Variants in FDXACB1 observed in about 807,000 individuals in gnomAD.
The protein encoded by FDXACB1 is ferredoxin-fold anticodon binding domain containing 1.
A neutral mutation model predicts 51.7 loss-of-function variants in FDXACB1; 41 were observed. That is an observed-to-expected ratio of 0.79 (90% CI 0.62 to 1.03). The LOEUF (loss-of-function observed/expected upper bound fraction) is 1.03. Among genes scored for constraint, FDXACB1 ranks in the 50% least tolerant of loss-of-function variants. The pLI, the probability that FDXACB1 is intolerant of heterozygous loss-of-function variation, is 0.00. For missense variants in FDXACB1, 697 were observed against 746.4 expected, an observed-to-expected ratio of 0.93 and a Z score of 0.77; for synonymous variants, 273 against 278.6, an observed-to-expected ratio of 0.98 and a Z score of 0.20.
intron 4 of FDXACB1, 147 bp downstream of exon 4, chr11:111,876,333 GA>G (rs1964815553): frequency 9.4e-7 from 1 of 1,068,256 alleles, no homozygotes; most frequent in East Asian, 2.4e-5. Context: ...TATAATTCTA[GA>G]GATGCTTAAG....
intron 4 of FDXACB1, 39 bp from the exon 5 acceptor site, chr11:111,876,143 G>A: frequency 6.9e-7 from 1 of 1,442,640 alleles, no homozygotes; most frequent in Non-Finnish European, 9.4e-7. Flanking sequence ...TCTAACTTAA[G>A]ATAGTAAATA....
chr11:111,878,685 C>A lies in FDXACB1; in HGVS notation c.200G>T (p.Cys67Phe), dbSNP rs782381416. The A allele has an allele frequency of 3.7e-6, 6 of 1,611,248 alleles. No individual in the cohort carries two copies. In the South Asian group the frequency reaches 6.6e-5, roughly 18 times the overall value. ...TTCAAAGACATCTGCCAGCTGGGTG[C>A]AGTCCACACCGAAACGTACATCGAT... is the stretch of plus-strand genomic sequence containing the variant. ...RGIDVRFGVD[C>F]TQLADVFELH... The change falls in exon 2 of 5, where the codon TGC becomes TTC. Residue 67 changes from cysteine to phenylalanine, a missense_variant. By Grantham distance (205) the Cys-to-Phe change is radical (BLOSUM62 -2). Around this residue, in one of 3 missense-constraint regions of FDXACB1, gnomAD observed 153 missense variants for 133.5 expected, o/e 1.15. Transcript: ENST00000260257.
Position 111,879,040 on chromosome 11 carries a change from G to A in FDXACB1, c.93C>T (p.Thr31=). The change falls in exon 1 of 5, where the codon ACC becomes ACT. Residue 31 remains threonine (T), a synonymous_variant. Coordinates refer to ENST00000260257, the MANE Select transcript of FDXACB1 (RefSeq NM_138378.3). ...CGGCCGGGCGCTGGAGGCAGGTGGC[G>A]GTAAGTTGAGTGCTCTGATCCAGGG... ...SETLDQSTQL[T]ATCLQRPAEL... 1 of 1,613,660 alleles carries A rather than the reference G, an allele frequency of 6.2e-7. No homozygotes were observed. The highest frequency in any genetic ancestry group is 1.1e-5 in the South Asian group (1 of 91,060).
rs1964890145 is a variant in FDXACB1 at position 111,879,055 on chromosome 11, C to G, written c.78G>C (p.Gln26His). The G allele has an allele frequency of 6.2e-7, 1 of 1,613,836 alleles. No individual in the cohort carries two copies. The highest frequency in any genetic ancestry group is 8.5e-7 in the Non-Finnish European group (1 of 1,179,882). Residue 26 changes from glutamine to histidine, a missense_variant, in exon 1 of 5, where the codon CAG becomes CAC. Physicochemically the swap from Gln to His is conservative, Grantham distance 24. Around this residue, in one of 3 missense-constraint regions of FDXACB1, gnomAD observed 153 missense variants for 133.5 expected, o/e 1.15. Coordinates refer to ENST00000260257, the MANE Select transcript of FDXACB1 (RefSeq NM_138378.3). ...GGCAGGTGGCGGTAAGTTGAGTGCT[C>G]TGATCCAGGGTTTCGCTCAGAGCGG... is the stretch of plus-strand genomic sequence containing the variant. ...FAAALSETLD[Q>H]STQLTATCLQ...
intron 4 of FDXACB1, 138 bp from the exon 5 acceptor site, chr11:111,876,242 T>C (rs1964813755): frequency 8.5e-6 from 8 of 940,750 alleles, no homozygotes; most frequent in Non-Finnish European, 1.2e-5. Context: ...AAAGAAATCA[T>C]CTACCATAAG....
Position 111,877,042 on chromosome 11 carries a change from TATC to T in FDXACB1, c.330-34_330-32del, listed in dbSNP as rs782672977. ...AGGGAGAAAAGAAACACTAACTAAT[TATC>T]ATAAACAAGCAGAAATTACCACAGG... On this transcript the variant is annotated intron_variant, in intron 2 of 4. Coordinates refer to ENST00000260257, the MANE Select transcript of FDXACB1 (RefSeq NM_138378.3). 106 of 1,544,692 alleles carry T rather than the reference TATC, an allele frequency of 6.9e-5. No homozygotes were observed. The East Asian group carries it at 2.1e-3, about 31-fold the overall frequency.
At chr11:111,878,363 C>T (rs1555162516) in intron 2 of FDXACB1, among the ~76,000 whole-genome samples, 193 bp downstream of exon 2, 1 of 152,060 alleles carries the variant, frequency 6.6e-6, no homozygotes, top group East Asian at 1.9e-4. Context: ...CCCAAGAGTA[C>T]ATTATTTGTA....
chr11:111,876,436 A>G, intron 4 of FDXACB1, 45 bp downstream of exon 4: 1 of 1,596,572 alleles, frequency 6.3e-7, no homozygotes, highest in East Asian at 2.2e-5. Flanking sequence ...GACAATCAGG[A>G]TACAACTGGA....
Position 111,878,616 on chromosome 11 carries a change from T to A in FDXACB1, c.269A>T (p.His90Leu). ...AGCTACGCCAGCTTTGCGTCCACAA[T>A]GCGGGAAGATGAAATAAATTTGATC... is the stretch of plus-strand genomic sequence containing the variant. ...EFDQIYFIFP[H>L]CGRKAGVAKN... The change falls in exon 2 of 5, where the codon CAT becomes CTT. Residue 90 changes from histidine to leucine, a missense_variant. Physicochemically the swap from His to Leu is moderately conservative, Grantham distance 99. Coordinates refer to ENST00000260257, the MANE Select transcript of FDXACB1 (RefSeq NM_138378.3). 1 of 1,603,764 alleles carries A rather than the reference T, an allele frequency of 6.2e-7. No homozygotes were observed. The highest frequency in any genetic ancestry group is 8.5e-7 in the Non-Finnish European group (1 of 1,174,904).
Position 111,876,920 on chromosome 11 carries a change from A to G in FDXACB1, c.421T>C (p.Trp141Arg), listed in dbSNP as rs1044877088. 4.3e-6 allele frequency: 7 copies of G among 1,612,386 alleles called. No individual in the cohort carries two copies. In the African/African-American group the frequency reaches 9.3e-5, roughly 22 times the overall value. The change falls in exon 3 of 5, where the codon TGG becomes CGG. Residue 141 changes from tryptophan (W) to arginine (R), a missense_variant. Physicochemically the swap from Trp to Arg is moderately radical, Grantham distance 101 (BLOSUM62 -3). This residue lies in a region of FDXACB1 where 538 missense variants were observed against 592.2 expected (regional missense o/e 0.91). Coordinates refer to ENST00000260257, the MANE Select transcript of FDXACB1 (RefSeq NM_138378.3). ...GTPADKPQREWHNSWQVVAMA... is the reference protein window; with the variant it reads ...GTPADKPQRERHNSWQVVAMA... Reference sequence around the variant, plus strand: ...GCAACCACTTGCCAACTGTTGTGCCATTCTCTCTGGGGCTTATCCGCAGGA... The same window carrying G: ...GCAACCACTTGCCAACTGTTGTGCCGTTCTCTCTGGGGCTTATCCGCAGGA...
At position 111,875,074 on chromosome 11, in the gene FDXACB1, G is replaced by A. The variant is rs782244353; in HGVS notation, c.1723C>T (p.Arg575Cys). ...DTIISIQFLS[R>C]FQHPKTQQVS... ...TGTTGAGTCTTTGGATGCTGGAAAC[G>A]GCTAAGAAACTGTATGGATATAATA... The change falls in exon 5 of 5, where the codon CGT (arginine) becomes TGT (cysteine). Residue 575 changes from arginine (R) to cysteine (C), a missense_variant. Physicochemically the swap from Arg to Cys is radical, Grantham distance 180. Around this residue, in one of 3 missense-constraint regions of FDXACB1, gnomAD observed 538 missense variants for 592.2 expected, o/e 0.91. Transcript: ENST00000260257. The A allele has an allele frequency of 8.1e-6, 13 of 1,613,768 alleles. No individual in the cohort carries two copies. In the Admixed American group the frequency reaches 8.3e-5, roughly 10 times the overall value.
At position 111,874,900 on chromosome 11, in the gene FDXACB1, C is replaced by T. The variant is rs1033872863; in HGVS notation, c.*22G>A. 3.1e-6 allele frequency: 5 copies of T among 1,596,216 alleles called. No individual in the cohort carries two copies. Among genetic ancestry groups the T allele is most frequent in the Non-Finnish European group, 4.3e-6 (5 of 1,165,378 alleles). ...ACATCCCCCGCAATGAAGGATCACA[C>T]TGCAGAAAAGGATTTACCAAACTAC... On this transcript the variant is annotated 3_prime_UTR_variant, in exon 5 of 5. Coordinates refer to ENST00000260257, the MANE Select transcript of FDXACB1 (RefSeq NM_138378.3).
Position 111,874,346 on chromosome 11 carries a change from TGTTTA to T in FDXACB1, c.*571_*575del, listed in dbSNP as rs1284117088. 1 of 152,492 alleles carries T rather than the reference TGTTTA, an allele frequency of 6.6e-6. No homozygotes were observed. Among genetic ancestry groups the T allele is most frequent in the Non-Finnish European group, 1.5e-5 (1 of 68,284 alleles). 9.4% of individuals were successfully genotyped at this position (152,492 alleles called of 1,614,324 possible). A position where few individuals can be genotyped will look rare whatever the true frequency, so the allele number is the denominator to read the frequency against. On this transcript the variant is annotated 3_prime_UTR_variant, in exon 5 of 5. Transcript: ENST00000260257. ...GCATCTAAAGTACAAGATGCTGTTTTGTTTATTGTTTTAGTCACTTCTCGGGACCA... is the reference window on the plus strand; with the variant it reads ...GCATCTAAAGTACAAGATGCTGTTTTTTGTTTTAGTCACTTCTCGGGACCA...
chr11:111,874,718 G>A lies in FDXACB1; in HGVS notation c.*204C>T. On this transcript the variant is annotated 3_prime_UTR_variant, in exon 5 of 5. Transcript: ENST00000260257. ...TATAGTGAGCTGATATCATGCCACT[G>A]CCACTGCACTCCCGCCTGGGCGGCA... The A allele has an allele frequency of 3.6e-6, 2 of 550,632 alleles. No homozygotes were observed. The highest frequency in any genetic ancestry group is 3.1e-5 in the East Asian group (1 of 32,106). The allele number at this position is 550,632 out of a possible 1,614,324, so 34.1% of individuals were successfully genotyped here.
chr11:111,878,809 C>A, intron 1 of FDXACB1, 97 bp from the exon 2 acceptor site: 1 of 1,511,654 alleles, frequency 6.6e-7, no homozygotes, highest in Non-Finnish European at 8.9e-7. Flanking sequence ...TGCAGACCAG[C>A]CCAAGTCTGG....
chr11:111,876,874 A>T lies in FDXACB1; in HGVS notation c.467T>A (p.Leu156His), dbSNP rs781791480. ...QVVAMAALGG[L>H]ILSDVYPFSC... ...GAATGGATACACGTCGCTTAAAATG[A>T]GCCCCCCCAGGGCTGCCATGGCAAC... The change falls in exon 3 of 5, where the codon CTC (leucine) becomes CAC (histidine). Residue 156 changes from leucine (L) to histidine (H), a missense_variant. Leu to His is a moderately conservative substitution (Grantham distance 99, BLOSUM62 -3). This residue lies in a region of FDXACB1 where 538 missense variants were observed against 592.2 expected (regional missense o/e 0.91). Coordinates refer to ENST00000260257, the MANE Select transcript of FDXACB1 (RefSeq NM_138378.3). 8.7e-6 allele frequency: 14 copies of T among 1,613,642 alleles called. No homozygotes were observed. Among genetic ancestry groups the T allele is most frequent in the Admixed American group, 1.7e-5 (1 of 59,932 alleles).
intron 2 of FDXACB1, among the ~76,000 whole-genome samples, chr11:111,877,313 G>A (rs1555162322): frequency 6.6e-6 from 1 of 152,114 alleles, no homozygotes; most frequent in African/African-American, 2.4e-5. Flanking sequence ...ATGATTCATT[G>A]CTTAGGCTGT....
At position 111,874,621 on chromosome 11, in the gene FDXACB1, G is replaced by A. The variant is rs565847254; in HGVS notation, c.*301C>T. ...AAAAAAAAAATTAGCCAGGCGTGGT[G>A]GCAGGTGCCTGTAGTCCCAGCTACT... On this transcript the variant is annotated 3_prime_UTR_variant, in exon 5 of 5. Transcript: ENST00000260257. 5.1e-4 allele frequency: 128 copies of A among 251,118 alleles called. 1 individual carries two copies. The highest frequency in any genetic ancestry group is 2.8e-3 in the African/African-American group (123 of 44,136). The allele number at this position is 251,118 out of a possible 1,614,324, so 15.6% of individuals were successfully genotyped here.
intron 4 of FDXACB1, 123 bp downstream of exon 4, chr11:111,876,358 C>T: frequency 1.6e-6 from 2 of 1,243,454 alleles, no homozygotes; most frequent in South Asian, 3.0e-5. Flanking sequence ...GCCAGGCTGA[C>T]AAATAAACAT....
Sources: gnomAD v4.1 joint callset for allele counts (sites outside exome capture counted in the v4.1 genomes callset) on GRCh38, gnomAD v4.1.1 for gene constraint, gnomAD v4.1.1 regional missense constraint, MANE v1.5 for transcripts, NCBI Gene and HGNC (gene_info 2026-07-23, HGNC 2026-07-21) for gene names.